Variants in TRDN observed in about 807,000 individuals in gnomAD.
TRDN encodes the protein triadin, also known as triadin in skeletal muscle.
TRDN carries 161 observed loss-of-function variants against 149.7 expected under a neutral mutation model. That is an observed-to-expected ratio of 1.08 (90% CI 0.95 to 1.23). The LOEUF (loss-of-function observed/expected upper bound fraction) is 1.23, where lower values mean the gene tolerates loss of function less well. Among genes scored for constraint, TRDN ranks in the 50% most tolerant of loss-of-function variants. The pLI is 0.00. For missense variants in TRDN, 896 were observed against 823.5 expected (o/e 1.09, Z -1.08); for synonymous variants, 294 against 250.5 (o/e 1.17, Z -1.64).
chr6:123,432,031 G>T (rs1774358083), intron 12 of TRDN, among the ~76,000 whole-genome samples: 2 of 152,114 alleles, frequency 1.3e-5, no homozygotes, highest in African/African-American at 4.8e-5. Context: ...AAATTTGATG[G>T]AAATAGATAC....
chr6:123,428,111 A>C (rs1774199295), intron 12 of TRDN, among the ~76,000 whole-genome samples: 1 of 152,188 alleles, frequency 6.6e-6, no homozygotes, highest in Non-Finnish European at 1.5e-5. Context: ...AGTCCATCTC[A>C]TCATTTTTTA....
chr6:123,266,226 T>A (rs1332329778), intron 32 of TRDN, among the ~76,000 whole-genome samples: 19 of 36,394 alleles, frequency 5.2e-4, no homozygotes, highest in South Asian at 1.7e-3. Context: ...ATAATATGTA[T>A]TATATATTAT....
chr6:123,511,713 A>G (rs1381458343), intron 7 of TRDN, among the ~76,000 whole-genome samples: 1 of 152,126 alleles, frequency 6.6e-6, no homozygotes, highest in Non-Finnish European at 1.5e-5. Context: ...TTCTCTGCTT[A>G]GGGCCCACGA....
At chr6:123,498,928 C>T (rs368632555) in intron 8 of TRDN, among the ~76,000 whole-genome samples, 118 of 152,070 alleles carry the variant, frequency 7.8e-4, no homozygotes, top group African/African-American at 2.4e-3. Context: ...AACTTAAACA[C>T]GAGAAAGAGA....
chr6:123,314,643 C>T lies in TRDN; in HGVS notation c.1510+1814G>A, dbSNP rs140985864. ...ATAAATAAAATGTGGTACATATATA[C>T]CATGGAATATTATGCAGTCATGAAA... is the stretch of plus-strand genomic sequence containing the variant. On this transcript the variant is annotated intron_variant, in intron 24 of 40. Transcript: ENST00000334268. 4.8e-3 allele frequency among the ~76,000 whole-genome samples: 729 copies of T among 152,112 alleles called. 2 individuals are homozygous for T. The highest frequency in any genetic ancestry group is 8.1e-3 in the Non-Finnish European group (550 of 67,998).
At chr6:123,624,943 C>T (rs368281343) in intron 1 of TRDN, among the ~76,000 whole-genome samples, 1 of 152,012 alleles carries the variant, frequency 6.6e-6, no homozygotes, top group African/African-American at 2.4e-5. Context: ...CAACAGTGTG[C>T]CTGACCGAAA....
chr6:123,472,442 A>G (rs545457236), intron 9 of TRDN, among the ~76,000 whole-genome samples: 11 of 152,326 alleles, frequency 7.2e-5, no homozygotes, highest in Non-Finnish European at 1.5e-4. Flanking sequence ...CGCCCACGGA[A>G]TCTCGCTGAT....
intron 6 of TRDN, among the ~76,000 whole-genome samples, chr6:123,514,415 C>G (rs1354439648): frequency 6.6e-6 from 1 of 152,054 alleles, no homozygotes; most frequent in Non-Finnish European, 1.5e-5. Flanking sequence ...TGAATTAATT[C>G]TTGAATGAAG....
At chr6:123,498,316 T>C (rs1778536321) in intron 8 of TRDN, 1 of 274,688 alleles carries the variant, frequency 3.6e-6, no homozygotes, top group Non-Finnish European at 7.4e-6. Context: ...AGGATTTTTG[T>C]AAATCTCGTT....
rs1433573740 is a variant in TRDN, at chr6:123,301,746, T to TAC, written c.1510+14710_1510+14711insGT. On this transcript the variant is annotated intron_variant, in intron 24 of 40. Transcript: ENST00000334268. Reference sequence around the variant, plus strand: ...ACATATATGTATGTATGTATGTATATATATACATATATATATATATATACA... The same window carrying TAC: ...ACATATATGTATGTATGTATGTATATACATATACATATATATATATATATACA... Among the ~76,000 whole-genome samples the TAC allele has an allele frequency of 1.0e-4, 10 of 97,396 alleles. No homozygotes were observed. In the East Asian group the frequency reaches 3.0e-3, roughly 30 times the overall value. 63.9% of individuals were successfully genotyped at this position (97,396 alleles called of 152,430 possible). A position where few individuals can be genotyped will look rare whatever the true frequency, so the allele number is the denominator to read the frequency against.
At chr6:123,495,473 C>T (rs1227350594) in intron 9 of TRDN, among the ~76,000 whole-genome samples, 3 of 150,606 alleles carry the variant, frequency 2.0e-5, no homozygotes, top group Non-Finnish European at 4.4e-5. Flanking sequence ...GAGCCGAGAT[C>T]ACACCATTGC....
intron 1 of TRDN, among the ~76,000 whole-genome samples, chr6:123,583,112 T>C (rs9401684): frequency 0.13 from 18,595 of 146,272 alleles, 1,219 homozygotes; most frequent in African/African-American, 0.17. Flanking sequence ...ATCAGCATAG[T>C]CCTGCCAGCA....
chr6:123,591,210 A>G (rs1189210880), intron 1 of TRDN, among the ~76,000 whole-genome samples: 4 of 152,136 alleles, frequency 2.6e-5, no homozygotes, highest in Non-Finnish European at 5.9e-5. Flanking sequence ...ACACCATTGT[A>G]TTAACATATC....
intron 38 of TRDN, among the ~76,000 whole-genome samples, chr6:123,225,513 GAC>G (rs747190026): frequency 0.25 from 37,583 of 148,370 alleles, 5,542 homozygotes; most frequent in Non-Finnish European, 0.34. Context: ...TCACCACACA[GAC>G]ACACACACAC....
At chr6:123,521,218 T>C (rs142593890) in intron 5 of TRDN, among the ~76,000 whole-genome samples, 1 of 152,134 alleles carries the variant, frequency 6.6e-6, no homozygotes, top group East Asian at 1.9e-4. Flanking sequence ...TTGAATTGTG[T>C]CTCCCCAAAA....
intron 12 of TRDN, among the ~76,000 whole-genome samples, chr6:123,413,704 T>C (rs1461522491): frequency 1.3e-5 from 2 of 152,138 alleles, no homozygotes; most frequent in Non-Finnish European, 2.9e-5. Flanking sequence ...TTCTTGAAGG[T>C]ATTTTTTCAC....
At chr6:123,550,815 C>G (rs1266378856) in intron 2 of TRDN, among the ~76,000 whole-genome samples, 3 of 151,964 alleles carry the variant, frequency 2.0e-5, no homozygotes, top group African/African-American at 7.2e-5. Context: ...CTCCATGATT[C>G]ATTGATAATG....
chr6:123,576,441 G>A (rs1038143735), intron 1 of TRDN, among the ~76,000 whole-genome samples: 1 of 151,194 alleles, frequency 6.6e-6, no homozygotes, highest in Non-Finnish European at 1.5e-5. Context: ...TGCTGAGGTT[G>A]ACATATGTAT....
At chr6:123,339,316 TTTTTTG>T (rs781274290) in intron 21 of TRDN, among the ~76,000 whole-genome samples, 1 of 152,096 alleles carries the variant, frequency 6.6e-6, no homozygotes, top group African/African-American at 2.4e-5. Flanking sequence ...TGTATTAGGT[TTTTTTG>T]TTTTTGTTTT....
Sources: gnomAD v4.1 joint callset for allele counts (sites outside exome capture counted in the v4.1 genomes callset) on GRCh38, gnomAD v4.1.1 for gene constraint, MANE v1.5 for transcripts, NCBI Gene and HGNC (gene_info 2026-07-23, HGNC 2026-07-21) for gene names.